The following EPB41 variants were observed in gnomAD, a reference collection of about 807,000 sequenced individuals.
EPB41 encodes the protein protein 4.1.
A neutral mutation model predicts 108.0 loss-of-function variants in EPB41; 65 were observed. The ratio of observed to expected loss-of-function variants is 0.60; its 90% CI spans 0.49 to 0.74. EPB41 has a LOEUF of 0.74. Among genes scored for constraint, EPB41 ranks in the 30% least tolerant of loss-of-function variants. The probability of loss-of-function intolerance (pLI) is 0.00; values close to 1 mark genes in which losing one functional copy is unlikely to be tolerated. For synonymous variants in EPB41, 336 were observed against 358.9 expected (o/e 0.94, Z 0.72); for missense variants, 875 against 1,037.0 (o/e 0.84, Z 2.15).
intron 17 of EPB41, among the ~76,000 whole-genome samples, chr1:29,105,347 C>T (rs945743694): frequency 1.3e-5 from 2 of 152,190 alleles, no homozygotes; most frequent in African/African-American, 4.8e-5. Context: ...TAGCGATTCT[C>T]CTGCCTCAGC....
At chr1:28,915,731 C>CTTTTTTTTTTTTTTTTTTTTTTGTTT (rs11321625) in intron 1 of EPB41, among the ~76,000 whole-genome samples, 2 of 56,074 alleles carry the variant, frequency 3.6e-5, no homozygotes, top group Non-Finnish European at 6.2e-5. Flanking sequence ...TTTTCAGATG[C>CTTTTTTTTTTTTTTTTTTTTTTGTTT]TTTTTTTTTT....
In EPB41 at chr1:29,051,520, G is replaced by A. The variant is rs1207767719; in HGVS notation, c.1637-1584G>A. Among the ~76,000 whole-genome samples the A allele has an allele frequency of 6.6e-5, 10 of 152,114 alleles. No homozygotes were observed. The East Asian group carries it at 1.9e-3, about 29-fold the overall frequency. ...TTTACAAATCTAAAAATTTCAGGAT[G>A]AATCATGTTCAGTTATAGTCAGTTT... On this transcript the variant is annotated intron_variant, in intron 11 of 20. Transcript: ENST00000343067.
intron 1 of EPB41, among the ~76,000 whole-genome samples, chr1:28,930,150 CTTTTTTT>C (rs772932485): frequency 8.2e-6 from 1 of 122,644 alleles, no homozygotes; most frequent in East Asian, 2.4e-4. Flanking sequence ...ATGTTGCTTC[CTTTTTTT>C]TTTTTTTTTT....
chr1:29,032,780 A>G (rs1286755640), intron 8 of EPB41, among the ~76,000 whole-genome samples: 4 of 152,168 alleles, frequency 2.6e-5, no homozygotes, highest in Non-Finnish European at 5.9e-5. Flanking sequence ...CTGAGTTTAT[A>G]TAGGAATAGA....
intron 1 of EPB41, among the ~76,000 whole-genome samples, chr1:28,968,458 T>G (rs1323362107): frequency 6.6e-6 from 1 of 152,200 alleles, no homozygotes; most frequent in East Asian, 1.9e-4. Context: ...CATGTTTTTC[T>G]AAAAATTTAT....
intron 1 of EPB41, among the ~76,000 whole-genome samples, chr1:28,950,038 A>G (rs946155515): frequency 2.0e-5 from 3 of 152,238 alleles, no homozygotes; most frequent in Non-Finnish European, 4.4e-5. Flanking sequence ...TAGACATTGC[A>G]GTGGTACAGT....
intron 16 of EPB41, among the ~76,000 whole-genome samples, chr1:29,066,768 G>C (rs1369079391): frequency 6.6e-6 from 1 of 151,910 alleles, no homozygotes; most frequent in Non-Finnish European, 1.5e-5. Flanking sequence ...CCACCTCCTG[G>C]CTTCAAGCGA....
chr1:28,982,108 T>C (rs532955709), intron 1 of EPB41, among the ~76,000 whole-genome samples: 35 of 151,530 alleles, frequency 2.3e-4, no homozygotes, highest in African/African-American at 7.7e-4. Flanking sequence ...TGTGTTCTCG[T>C]TGTTCAATTC....
At chr1:29,047,270 G>GTTTGT (rs1643529607) in intron 11 of EPB41, among the ~76,000 whole-genome samples, 1 of 32,232 alleles carries the variant, frequency 3.1e-5, no homozygotes, top group East Asian at 1.4e-3. Context: ...TTTTTTTTTT[G>GTTTGT]GAGAGAGAGT....
intron 16 of EPB41, among the ~76,000 whole-genome samples, chr1:29,089,094 A>G (rs1293061620): frequency 6.6e-6 from 1 of 152,218 alleles, no homozygotes; most frequent in Admixed American, 6.5e-5. Flanking sequence ...TCATCTATAA[A>G]ATAGAAATAA....
rs1340174383 is a variant in EPB41 at position 28,997,463 on chromosome 1, T to C, written c.786+144T>C. 7.5e-6 allele frequency: 5 copies of C among 666,118 alleles called. No individual in the cohort carries two copies. In the Admixed American group the frequency reaches 1.2e-4, roughly 16 times the overall value. 41.3% of individuals were successfully genotyped at this position (666,118 alleles called of 1,614,324 possible). On this transcript the variant is annotated intron_variant, in intron 4 of 20. Transcript: ENST00000343067. Reference sequence around the variant, plus strand: ...ACTCTTATTTCTTAGATTTTCCTGCTATTTTTCTTCTAGAATTAACATTTT... The same window carrying C: ...ACTCTTATTTCTTAGATTTTCCTGCCATTTTTCTTCTAGAATTAACATTTT...
At chr1:28,952,857 C>T (rs943843357) in intron 1 of EPB41, among the ~76,000 whole-genome samples, 19 of 152,022 alleles carry the variant, frequency 1.2e-4, no homozygotes, top group Non-Finnish European at 2.8e-4. Context: ...TTCCTGGAAA[C>T]AACGTGAGAG....
intron 1 of EPB41, among the ~76,000 whole-genome samples, chr1:28,907,709 C>G (rs1268199677): frequency 1.3e-5 from 2 of 152,034 alleles, no homozygotes; most frequent in African/African-American, 4.8e-5. Context: ...ACCTCCCAGG[C>G]TCCAGTGATC....
intron 1 of EPB41, among the ~76,000 whole-genome samples, chr1:28,951,840 C>T (rs907278336): frequency 2.6e-5 from 4 of 151,938 alleles, no homozygotes; most frequent in South Asian, 2.1e-4. Flanking sequence ...ATTGTGCCAT[C>T]GTACTGCAGC....
chr1:29,093,262 G>A (rs936453942), intron 16 of EPB41, among the ~76,000 whole-genome samples: 2 of 152,140 alleles, frequency 1.3e-5, no homozygotes, highest in Admixed American at 6.5e-5. Flanking sequence ...GTGGGAGATG[G>A]TATCTCACTG....
intron 4 of EPB41, among the ~76,000 whole-genome samples, chr1:29,002,345 G>A (rs543885538): frequency 1.3e-5 from 2 of 151,940 alleles, no homozygotes; most frequent in Admixed American, 6.6e-5. Context: ...CCAGCTACTC[G>A]GTAGGTTGAG....
chr1:28,891,114 A>C (rs1159788790), intron 1 of EPB41: 1 of 459,828 alleles, frequency 2.2e-6, no homozygotes, highest in African/African-American at 2.1e-5. Context: ...CCCAGGTGCA[A>C]GACTGGGCAC....
At chr1:28,939,475 T>C (rs2094185422) in intron 1 of EPB41, among the ~76,000 whole-genome samples, 1 of 151,872 alleles carries the variant, frequency 6.6e-6, no homozygotes, top group Non-Finnish European at 1.5e-5. Flanking sequence ...TGAGACGGAG[T>C]CTCAGCTGCC....
At chr1:29,010,956 T>C (rs1032917647) in intron 4 of EPB41, among the ~76,000 whole-genome samples, 1 of 151,450 alleles carries the variant, frequency 6.6e-6, no homozygotes, top group Admixed American at 6.6e-5. Context: ...CTACTAAAAA[T>C]ACAAAAATTA....
Sources: allele counts gnomAD v4.1 joint callset (sites outside exome capture counted in the v4.1 genomes callset), GRCh38; gene constraint gnomAD v4.1.1; transcripts MANE v1.5; gene names NCBI Gene and HGNC (gene_info 2026-07-23, HGNC 2026-07-21).